The following GALNTL6 variants were observed in gnomAD, a reference collection of about 807,000 sequenced individuals.
GALNTL6 encodes polypeptide N-acetylgalactosaminyltransferase like 6, also known as polypeptide N-acetylgalactosaminyltransferase-like 6.
A neutral mutation model predicts 73.7 loss-of-function variants in GALNTL6; 46 were observed. The observed-to-expected ratio is 0.62, with a 90% CI of 0.49 to 0.80. The LOEUF (loss-of-function observed/expected upper bound fraction) is 0.80, where lower values mean the gene tolerates loss of function less well. GALNTL6 is among the 30% of genes least tolerant of loss of function. The pLI is 0.00. For missense variants in GALNTL6, 604 were observed against 755.0 expected, an observed-to-expected ratio of 0.80 and a Z score of 2.34; for synonymous variants, 259 against 263.7, an observed-to-expected ratio of 0.98 and a Z score of 0.17.
intron 5 of GALNTL6, among the ~76,000 whole-genome samples, chr4:172,806,911 A>G (rs1279680716): frequency 6.6e-6 from 1 of 152,230 alleles, no homozygotes; most frequent in Non-Finnish European, 1.5e-5. Context: ...AATAAATTAC[A>G]GTAATGAGAT....
chr4:172,016,617 T>A (rs1741202258), intron 2 of GALNTL6, among the ~76,000 whole-genome samples: 1 of 152,078 alleles, frequency 6.6e-6, no homozygotes, highest in Admixed American at 6.6e-5. Context: ...AGGAAGCTAG[T>A]GTGATATTTT....
intron 5 of GALNTL6, among the ~76,000 whole-genome samples, chr4:172,539,898 TATATATATA>T (rs1390662078): frequency 3.0e-4 from 42 of 138,804 alleles, no homozygotes; most frequent in Admixed American, 9.2e-4. Context: ...TATATATATA[TATATATATA>T]AAAAATCTCA....
chr4:172,385,037 T>G (rs1006708961), intron 5 of GALNTL6, among the ~76,000 whole-genome samples: 3 of 151,224 alleles, frequency 2.0e-5, no homozygotes, highest in East Asian at 1.9e-4. Context: ...TGTTTTTTTT[T>G]TTTTACCCAT....
At chr4:172,538,320 G>A (rs1328021775) in intron 5 of GALNTL6, among the ~76,000 whole-genome samples, 2 of 151,970 alleles carry the variant, frequency 1.3e-5, no homozygotes, top group Non-Finnish European at 2.9e-5. Flanking sequence ...AATTAGCCAG[G>A]CGTGGTGGCG....
intron 5 of GALNTL6, among the ~76,000 whole-genome samples, chr4:172,739,903 C>T (rs1302511872): frequency 6.6e-6 from 1 of 151,106 alleles, no homozygotes; most frequent in Admixed American, 6.6e-5. Context: ...TAAGTAAAAA[C>T]CTATGAAAAA....
intron 11 of GALNTL6, among the ~76,000 whole-genome samples, chr4:173,010,758 C>A (rs1402074975): frequency 1.4e-5 from 2 of 147,864 alleles, no homozygotes; most frequent in Admixed American, 1.3e-4. Flanking sequence ...CCATGCCCAG[C>A]TAATTTTTGT....
intron 7 of GALNTL6, among the ~76,000 whole-genome samples, chr4:172,873,344 C>G (rs532835478): frequency 6.6e-6 from 1 of 152,270 alleles, no homozygotes; most frequent in African/African-American, 2.4e-5. Context: ...AATTCTCTCA[C>G]GATAACTCAG....
chr4:171,826,944 T>C (rs13118485), intron 2 of GALNTL6, among the ~76,000 whole-genome samples: 3,256 of 152,200 alleles, frequency 0.021, 59 homozygotes, highest in Non-Finnish European at 0.031. Flanking sequence ...GACTCCTACT[T>C]GTGTTCTTTT....
chr4:171,892,154 C>T (rs1736779780), intron 2 of GALNTL6, among the ~76,000 whole-genome samples: 1 of 152,136 alleles, frequency 6.6e-6, no homozygotes, highest in African/African-American at 2.4e-5. Context: ...TGTGTTTAGA[C>T]CTGATTCCTA....
intron 5 of GALNTL6, among the ~76,000 whole-genome samples, chr4:172,418,544 G>A (rs528489456): frequency 1.6e-4 from 24 of 152,278 alleles, no homozygotes; most frequent in African/African-American, 2.9e-4. Flanking sequence ...CACAGCCTGA[G>A]GCTGAGGGAA....
intron 2 of GALNTL6, among the ~76,000 whole-genome samples, chr4:172,019,303 T>C (rs1253517152): frequency 6.6e-6 from 1 of 152,138 alleles, no homozygotes; most frequent in African/African-American, 2.4e-5. Context: ...GAAAAATGTC[T>C]GTTTGGAGCT....
At chr4:172,348,481 G>A (rs1486216979) in intron 4 of GALNTL6, 42 bp from the exon 5 acceptor site, 8 of 1,508,410 alleles carry the variant, frequency 5.3e-6, no homozygotes, top group African/African-American at 1.4e-5. Flanking sequence ...ATATACAAGA[G>A]TTTTGTATTT....
At chr4:172,717,371 C>T (rs775842103) in intron 5 of GALNTL6, among the ~76,000 whole-genome samples, 1 of 152,118 alleles carries the variant, frequency 6.6e-6, no homozygotes. Flanking sequence ...CTTTATTAAA[C>T]GGGACCAAAA....
chr4:172,378,421 C>G (rs1007253442), intron 5 of GALNTL6, among the ~76,000 whole-genome samples: 2 of 152,080 alleles, frequency 1.3e-5, no homozygotes, highest in African/African-American at 4.8e-5. Flanking sequence ...CTTGTTTAAT[C>G]TGGAAACAGT....
intron 7 of GALNTL6, among the ~76,000 whole-genome samples, chr4:172,859,591 A>G (rs1424560158): frequency 6.6e-6 from 1 of 152,226 alleles, no homozygotes; most frequent in Non-Finnish European, 1.5e-5. Flanking sequence ...ACTATCCACT[A>G]TAACTATCCA....
intron 2 of GALNTL6, among the ~76,000 whole-genome samples, chr4:171,911,735 G>A (rs1196702849): frequency 6.6e-6 from 1 of 152,216 alleles, no homozygotes; most frequent in African/African-American, 2.4e-5. Context: ...TCATTTTGCT[G>A]TGGTATATAA....
At chr4:172,453,114 T>C (rs1177570931) in intron 5 of GALNTL6, among the ~76,000 whole-genome samples, 1 of 151,548 alleles carries the variant, frequency 6.6e-6, no homozygotes, top group African/African-American at 2.4e-5. Flanking sequence ...GGCAGAAGAA[T>C]CGTTTAGAAC....
At chr4:173,013,519 A>C (rs1158201282) in intron 11 of GALNTL6, among the ~76,000 whole-genome samples, 2 of 152,028 alleles carry the variant, frequency 1.3e-5, no homozygotes, top group African/African-American at 2.4e-5. Context: ...TATTGCATAC[A>C]CTTTAAAAAT....
At chr4:172,928,114 G>A (rs145820891) in intron 8 of GALNTL6, among the ~76,000 whole-genome samples, 186 of 152,300 alleles carry the variant, frequency 1.2e-3, no homozygotes, top group Middle Eastern at 0.01. Flanking sequence ...GGTAAGCAAG[G>A]TTTAACTGAA....
Sources: gnomAD v4.1 joint callset for allele counts (sites outside exome capture counted in the v4.1 genomes callset) on GRCh38, gnomAD v4.1.1 for gene constraint, MANE v1.5 for transcripts, NCBI Gene and HGNC (gene_info 2026-07-23, HGNC 2026-07-21) for gene names.